Variants in CSMD3 observed in about 807,000 individuals in gnomAD.
CSMD3 encodes CUB and sushi domain-containing protein 3.
In CSMD3, 177 loss-of-function variants were observed where a neutral mutation model predicts 435.2. That is an observed-to-expected ratio of 0.41 (90% CI 0.36 to 0.46). The LOEUF is 0.46. Ranked by LOEUF, CSMD3 falls within the 20% of genes least tolerant of loss-of-function variation. The pLI is 0.34. For synonymous variants in CSMD3, 1,656 were observed against 1,520.5 expected, an observed-to-expected ratio of 1.09 and a Z score of -2.07; for missense variants, 4,265 against 4,504.6, an observed-to-expected ratio of 0.95 and a Z score of 1.52.
At chr8:112,494,311 C>G (rs1354637935) in intron 30 of CSMD3, among the ~76,000 whole-genome samples, 1 of 74,844 alleles carries the variant, frequency 1.3e-5, no homozygotes, top group African/African-American at 5.3e-5. Context: ...CTTTCTTTTA[C>G]TCTCTCCTTT....
chr8:113,403,572 G>A (rs1588668820), intron 1 of CSMD3, among the ~76,000 whole-genome samples: 1 of 151,346 alleles, frequency 6.6e-6, no homozygotes, highest in African/African-American at 2.4e-5. Flanking sequence ...AGAAAAAGCA[G>A]TAATAAAGCA....
At chr8:113,273,977 AG>A (rs1479594077) in intron 3 of CSMD3, among the ~76,000 whole-genome samples, 1 of 152,108 alleles carries the variant, frequency 6.6e-6, no homozygotes, top group Non-Finnish European at 1.5e-5. Context: ...TGAAAGTAAC[AG>A]GTTTTTGAAA....
intron 7 of CSMD3, among the ~76,000 whole-genome samples, chr8:112,968,217 T>C (rs963613299): frequency 1.3e-5 from 2 of 151,890 alleles, no homozygotes; most frequent in Non-Finnish European, 2.9e-5. Context: ...CTATAAATAA[T>C]CATTAAAATA....
chr8:113,187,701 T>C (rs1222715173), intron 3 of CSMD3, among the ~76,000 whole-genome samples: 1 of 152,098 alleles, frequency 6.6e-6, no homozygotes, highest in South Asian at 2.1e-4. Flanking sequence ...TGGAGATTAG[T>C]AGAATTTATT....
chr8:112,896,687 T>C (rs1034647218), intron 10 of CSMD3, among the ~76,000 whole-genome samples: 3 of 151,506 alleles, frequency 2.0e-5, no homozygotes, highest in Admixed American at 6.6e-5. Flanking sequence ...TCATTCTTTA[T>C]ATTCCATCCA....
chr8:112,403,322 A>G (rs7017899), intron 35 of CSMD3, among the ~76,000 whole-genome samples: 36,744 of 151,964 alleles, frequency 0.24, 4,678 homozygotes, highest in East Asian at 0.44. Context: ...CCTCTTTCAG[A>G]CTCAGTTTAT....
intron 13 of CSMD3, among the ~76,000 whole-genome samples, chr8:112,728,518 C>G (rs2077011662): frequency 6.6e-6 from 1 of 151,974 alleles, no homozygotes; most frequent in African/African-American, 2.4e-5. Context: ...CAGCCTTATT[C>G]ATACCTATAT....
chr8:112,624,712 A>G (rs1834342891), intron 22 of CSMD3, among the ~76,000 whole-genome samples: 1 of 152,010 alleles, frequency 6.6e-6, no homozygotes, highest in African/African-American at 2.4e-5. Flanking sequence ...GCAAGGTATC[A>G]CTATGTACAT....
At chr8:112,851,511 G>T (rs2080486563) in intron 11 of CSMD3, among the ~76,000 whole-genome samples, 1 of 151,994 alleles carries the variant, frequency 6.6e-6, no homozygotes, top group Non-Finnish European at 1.5e-5. Flanking sequence ...TCATGCCTGC[G>T]ATCCCAGCAC....
intron 5 of CSMD3, among the ~76,000 whole-genome samples, chr8:113,039,653 A>T (rs1173688562): frequency 6.6e-6 from 1 of 152,178 alleles, no homozygotes; most frequent in Non-Finnish European, 1.5e-5. Flanking sequence ...GCACATACGG[A>T]TTGTGAGAGT....
At chr8:112,803,911 C>T (rs1360308006) in intron 12 of CSMD3, among the ~76,000 whole-genome samples, 1 of 152,166 alleles carries the variant, frequency 6.6e-6, no homozygotes, top group Non-Finnish European at 1.5e-5. Flanking sequence ...AGACTCCACT[C>T]ATGTGATGGA....
intron 10 of CSMD3, among the ~76,000 whole-genome samples, chr8:112,911,552 C>G (rs1421310360): frequency 6.6e-6 from 1 of 151,426 alleles, no homozygotes; most frequent in Non-Finnish European, 1.5e-5. Context: ...GACTCTCCTC[C>G]GGGTTCATCT....
chr8:112,768,154 T>A (rs1170350516), intron 13 of CSMD3, among the ~76,000 whole-genome samples: 1 of 151,374 alleles, frequency 6.6e-6, no homozygotes, highest in Non-Finnish European at 1.5e-5. Flanking sequence ...TAAATATGCA[T>A]AATATAAATA....
intron 37 of CSMD3, among the ~76,000 whole-genome samples, chr8:112,383,338 C>T (rs1210939787): frequency 6.6e-6 from 1 of 152,010 alleles, no homozygotes; most frequent in Admixed American, 6.6e-5. Flanking sequence ...ATAAAACCAT[C>T]AATAAATAAT....
At chr8:112,725,466 G>A (rs1339221350) in intron 13 of CSMD3, among the ~76,000 whole-genome samples, 1 of 151,886 alleles carries the variant, frequency 6.6e-6, no homozygotes, top group Non-Finnish European at 1.5e-5. Flanking sequence ...AGGGAAATGT[G>A]AATGTTAATT....
chr8:113,390,820 C>A (rs2094458330), intron 1 of CSMD3, among the ~76,000 whole-genome samples: 1 of 151,912 alleles, frequency 6.6e-6, no homozygotes, highest in African/African-American at 2.4e-5. Context: ...TCTAATCATA[C>A]TTTTATTTCT....
intron 32 of CSMD3, among the ~76,000 whole-genome samples, chr8:112,433,654 CAAA>C (rs35572894): frequency 0.01 from 947 of 93,172 alleles, 4 homozygotes; most frequent in African/African-American, 0.023. Context: ...GAGAACCTGT[CAAA>C]AAAAAAAAAA....
At chr8:112,781,111 T>C (rs2132243322) in intron 13 of CSMD3, among the ~76,000 whole-genome samples, 1 of 151,702 alleles carries the variant, frequency 6.6e-6, no homozygotes, top group Admixed American at 6.6e-5. Context: ...AGCTCAGCCA[T>C]AGTAAAATAA....
intron 4 of CSMD3, among the ~76,000 whole-genome samples, chr8:113,145,409 C>T (rs2091649902): frequency 6.6e-6 from 1 of 151,510 alleles, no homozygotes; most frequent in Non-Finnish European, 1.5e-5. Context: ...GTTACAAGGG[C>T]TTATGAAATC....
Sources: allele counts gnomAD v4.1 joint callset (sites outside exome capture counted in the v4.1 genomes callset), GRCh38; gene constraint gnomAD v4.1.1; transcripts MANE v1.5; gene names NCBI Gene and HGNC (gene_info 2026-07-23, HGNC 2026-07-21).